Variants in ALG14 observed in about 807,000 individuals in gnomAD.
ALG14 encodes ALG14 UDP-N-acetylglucosaminyltransferase subunit.
A neutral mutation model predicts 22.8 loss-of-function variants in ALG14; 17 were observed. That is an observed-to-expected ratio of 0.75 (90% confidence interval 0.51 to 1.12). The LOEUF is 1.12. ALG14 is among the 50% of genes most tolerant of loss of function. ALG14 has a pLI of 0.00. For missense variants in ALG14, 288 were observed against 271.8 expected (o/e 1.06, Z -0.42); for synonymous variants, 89 against 103.7 (o/e 0.86, Z 0.86).
chr1:95,002,051 A>G (rs964193274), intron 3 of ALG14, among the ~76,000 whole-genome samples: 4 of 152,332 alleles, frequency 2.6e-5, no homozygotes, highest in African/African-American at 9.6e-5. Context: ...GCTTAAATTC[A>G]TGCTTCAATA....
Position 94,976,371 on chromosome 1 carries a change from C to G in ALG14, c.*6705G>C, listed in dbSNP as rs1672397376. The G allele has an allele frequency of 6.6e-6, 1 of 152,034 alleles. No individual in the cohort carries two copies. The highest frequency in any genetic ancestry group is 1.5e-5 in the Non-Finnish European group (1 of 68,020). 9.4% of individuals were successfully genotyped at this position (152,034 alleles called of 1,614,324 possible). On this transcript the variant is annotated 3_prime_UTR_variant, in exon 4 of 4. Transcript: ENST00000370205. ...TTTTTCAAAACAAAACAAAAAACATCTAGCTGATTGTGGTTGGCAGAAGTC... is the reference window on the plus strand; with the variant it reads ...TTTTTCAAAACAAAACAAAAAACATGTAGCTGATTGTGGTTGGCAGAAGTC...
intron 3 of ALG14, among the ~76,000 whole-genome samples, chr1:95,011,825 A>T (rs748449571): frequency 6.6e-6 from 1 of 152,238 alleles, no homozygotes; most frequent in African/African-American, 2.4e-5. Flanking sequence ...CTTTATTATT[A>T]GAATCTAAAA....
chr1:95,040,382 T>C (rs909487854), intron 2 of ALG14, among the ~76,000 whole-genome samples: 2 of 152,120 alleles, frequency 1.3e-5, no homozygotes, highest in East Asian at 1.9e-4. Context: ...TACCAGGTAT[T>C]TGAAGGACAA....
At chr1:94,991,315 ACTGTGTGTG>A (rs1672765406) in intron 3 of ALG14, among the ~76,000 whole-genome samples, 3 of 152,242 alleles carry the variant, frequency 2.0e-5, no homozygotes, top group Non-Finnish European at 4.4e-5. Flanking sequence ...AGGTGATTTC[ACTGTGTGTG>A]CACATCACAC....
At chr1:94,991,091 GTC>G (rs1009877502) in intron 3 of ALG14, among the ~76,000 whole-genome samples, 4 of 152,230 alleles carry the variant, frequency 2.6e-5, no homozygotes, top group African/African-American at 9.6e-5. Context: ...CCCATGCTAT[GTC>G]TCAGTTTCCC....
intron 2 of ALG14, among the ~76,000 whole-genome samples, chr1:95,057,055 C>CAAAAA (rs199574536): frequency 9.9e-6 from 1 of 100,676 alleles, no homozygotes; most frequent in Admixed American, 1.1e-4. Context: ...GATTCTGGCT[C>CAAAAA]AAAAAAAAAA....
intron 2 of ALG14, chr1:95,061,489 G>A (rs1675147610): frequency 6.6e-6 from 1 of 152,156 alleles, no homozygotes; most frequent in Admixed American, 6.5e-5. Flanking sequence ...TTGAGAGAGA[G>A]AGAGAGAGAG....
At chr1:95,058,335 C>T (rs958130534) in intron 2 of ALG14, among the ~76,000 whole-genome samples, 1 of 144,394 alleles carries the variant, frequency 6.9e-6, no homozygotes, top group African/African-American at 2.6e-5. Context: ...AGATGATAGC[C>T]GGGCGTAGTG....
intron 2 of ALG14, among the ~76,000 whole-genome samples, chr1:95,039,156 C>T (rs9661047): frequency 0.23 from 35,170 of 152,032 alleles, 4,441 homozygotes; most frequent in African/African-American, 0.33. Flanking sequence ...GAGGAAGCAG[C>T]GTGTTCAGAG....
intron 2 of ALG14, among the ~76,000 whole-genome samples, chr1:95,053,580 A>G (rs1383373299): frequency 6.6e-6 from 1 of 152,024 alleles, no homozygotes; most frequent in East Asian, 1.9e-4. Context: ...TTGTTTTTAG[A>G]GATGGAGTCT....
In ALG14 at chr1:94,978,465, C is replaced by G. The variant is rs1672437546; in HGVS notation, c.*4611G>C. 1 of 152,222 alleles carries G rather than the reference C, an allele frequency of 6.6e-6. No homozygotes were observed. The highest frequency in any genetic ancestry group is 1.5e-5 in the Non-Finnish European group (1 of 68,042). 9.4% of individuals were successfully genotyped at this position (152,222 alleles called of 1,614,324 possible). A position where few individuals can be genotyped will look rare whatever the true frequency, so the allele number is the denominator to read the frequency against. On this transcript the variant is annotated 3_prime_UTR_variant, in exon 4 of 4. Transcript: ENST00000370205. ...ACAAAACTAGAATGAGGTACAGTCC[C>G]TGAAGACAAACATAAATAATCAGCA...
At chr1:95,069,096 A>C (rs1299975431) in intron 1 of ALG14, among the ~76,000 whole-genome samples, 1 of 152,202 alleles carries the variant, frequency 6.6e-6, no homozygotes, top group Non-Finnish European at 1.5e-5. Flanking sequence ...CTTATCTGAA[A>C]TATTCAAAAG....
chr1:95,007,852 T>A (rs920268013), intron 3 of ALG14, among the ~76,000 whole-genome samples: 1 of 152,208 alleles, frequency 6.6e-6, no homozygotes, highest in Non-Finnish European at 1.5e-5. Flanking sequence ...TTATGTTATA[T>A]CTGCCAGCTG....
chr1:94,998,514 C>T (rs1452549878), intron 3 of ALG14, among the ~76,000 whole-genome samples: 1 of 152,216 alleles, frequency 6.6e-6, no homozygotes, highest in East Asian at 1.9e-4. Flanking sequence ...TGTTAAAATT[C>T]TAATAACTAC....
intron 1 of ALG14, among the ~76,000 whole-genome samples, chr1:95,069,581 T>C (rs1423417680): frequency 6.9e-6 from 1 of 145,498 alleles, no homozygotes. Flanking sequence ...CTAAATGACA[T>C]TGGAGATAGA....
At chr1:95,072,316 A>G (rs577138670) in intron 1 of ALG14, among the ~76,000 whole-genome samples, 1 of 152,310 alleles carries the variant, frequency 6.6e-6, no homozygotes, top group African/African-American at 2.4e-5. Context: ...TACAGCCCGT[A>G]GATCATTGTT....
At chr1:95,009,650 T>C (rs1267759841) in intron 3 of ALG14, among the ~76,000 whole-genome samples, 1 of 152,066 alleles carries the variant, frequency 6.6e-6, no homozygotes, top group African/African-American at 2.4e-5. Context: ...CATGTAACAG[T>C]CATGAAAGAT....
chr1:95,004,536 A>G (rs1428421112), intron 3 of ALG14, among the ~76,000 whole-genome samples: 3 of 150,998 alleles, frequency 2.0e-5, no homozygotes, highest in South Asian at 2.1e-4. Context: ...GTCTCGCTCT[A>G]TTGCCCAGGC....
chr1:95,048,687 C>T (rs1303708651), intron 2 of ALG14, among the ~76,000 whole-genome samples: 2 of 152,116 alleles, frequency 1.3e-5, no homozygotes, highest in Non-Finnish European at 2.9e-5. Flanking sequence ...GAAGGTATTA[C>T]TTTACTACTC....
Sources: gnomAD v4.1 joint callset for allele counts (sites outside exome capture counted in the v4.1 genomes callset) on GRCh38, gnomAD v4.1.1 for gene constraint, MANE v1.5 for transcripts, NCBI Gene and HGNC (gene_info 2026-07-23, HGNC 2026-07-21) for gene names.